Variants in NFYA observed in about 807,000 individuals in gnomAD.
NFYA encodes the protein nuclear transcription factor Y subunit alpha.
A neutral mutation model predicts 52.8 loss-of-function variants in NFYA; 28 were observed. That is an observed-to-expected ratio of 0.53 (90% confidence interval 0.39 to 0.73). The LOEUF is 0.73. Among genes scored for constraint, NFYA ranks in the 30% least tolerant of loss-of-function variants. The pLI, the probability that NFYA is intolerant of heterozygous loss-of-function variation, is 0.00. For synonymous variants in NFYA, 150 were observed against 150.7 expected (o/e 1.00, Z 0.03); for missense variants, 234 against 427.0 (o/e 0.55, Z 3.98).
Position 41,097,343 on chromosome 6 carries a change from A to C in NFYA, c.991-14A>C. 6.2e-7 allele frequency: 1 copy of C among 1,613,870 alleles called. No individual in the cohort carries two copies. Among genetic ancestry groups the C allele is most frequent in the Non-Finnish European group, 8.5e-7 (1 of 1,179,802 alleles). On this transcript the variant is annotated splice_polypyrimidine_tract_variant and intron_variant, in intron 9 of 9. Coordinates refer to ENST00000341376, the MANE Select transcript of NFYA (RefSeq NM_002505.5). ...TGCAAAGGACTTTAATCATCATGTC[A>C]TCTTTGTCTCTAGGATCCAAACCAA... is the stretch of plus-strand genomic sequence containing the variant.
intron 7 of NFYA, 87 bp downstream of exon 7, chr6:41,091,781 T>C (rs932020267): frequency 1.1e-5 from 16 of 1,471,434 alleles, no homozygotes; most frequent in Non-Finnish European, 1.5e-5. Context: ...TGTTGACCTC[T>C]TGGGATTGAG....
At position 41,097,642 on chromosome 6, in the gene NFYA, A is replaced by G. The variant is rs371950018; in HGVS notation, c.*232A>G. Reference sequence around the variant, plus strand: ...CAGGACCTATTTCAGACTGTTGATGACATTGACATTTCATGGATTCGGATG... The same window carrying G: ...CAGGACCTATTTCAGACTGTTGATGGCATTGACATTTCATGGATTCGGATG... On this transcript the variant is annotated 3_prime_UTR_variant, in exon 10 of 10. Transcript: ENST00000341376. 104 of 476,256 alleles carry G rather than the reference A, an allele frequency of 2.2e-4. 1 individual carries two copies. The South Asian group carries it at 2.6e-3, about 12-fold the overall frequency. 29.5% of individuals were successfully genotyped at this position (476,256 alleles called of 1,614,324 possible). A position where few individuals can be genotyped will look rare whatever the true frequency, so the allele number is the denominator to read the frequency against.
chr6:41,083,443 A>G (rs1422968434), intron 3 of NFYA, among the ~76,000 whole-genome samples: 1 of 152,238 alleles, frequency 6.6e-6, no homozygotes, highest in African/African-American at 2.4e-5. Flanking sequence ...TAAACAACAA[A>G]CATATCTAGA....
chr6:41,088,417 C>G (rs1372135102), intron 4 of NFYA, among the ~76,000 whole-genome samples: 1 of 120,036 alleles, frequency 8.3e-6, no homozygotes, highest in East Asian at 2.1e-4. Flanking sequence ...AGCGACACTC[C>G]GTCTCCAAAA....
At chr6:41,090,636 A>G (rs1214571571) in intron 6 of NFYA, among the ~76,000 whole-genome samples, 1 of 152,242 alleles carries the variant, frequency 6.6e-6, no homozygotes, top group African/African-American at 2.4e-5. Context: ...AGTTGGCTTT[A>G]GAGTGCTATT....
intron 9 of NFYA, among the ~76,000 whole-genome samples, chr6:41,096,643 C>G (rs1382375000): frequency 6.6e-6 from 1 of 152,226 alleles, no homozygotes; most frequent in Non-Finnish European, 1.5e-5. Context: ...TTCTCAGATC[C>G]TGCCTACCAA....
rs1183880008 is a variant in NFYA, at chr6:41,097,417, G to A, written c.*7G>A. The A allele has an allele frequency of 8.1e-6, 13 of 1,613,502 alleles. No individual in the cohort carries two copies. Among genetic ancestry groups the A allele is most frequent in the African/African-American group, 2.7e-5 (2 of 74,890 alleles). On this transcript the variant is annotated 3_prime_UTR_variant, in exon 10 of 10. Coordinates refer to ENST00000341376, the MANE Select transcript of NFYA (RefSeq NM_002505.5). ...GATCATCCGAGTGTCCTAACCCCAC[G>A]CCATGTGATGGAGCTGATCAAGGTC...
chr6:41,095,790 C>CTAGACTGTAAGTTGTA (rs1232579490), intron 9 of NFYA, among the ~76,000 whole-genome samples: 3 of 152,176 alleles, frequency 2.0e-5, no homozygotes, highest in Admixed American at 6.5e-5. Flanking sequence ...GTTTCCTTCA[C>CTAGACTGTAAGTTGTA]TAGACTGTAA....
At chr6:41,088,531 G>A (rs1764110755) in intron 4 of NFYA, among the ~76,000 whole-genome samples, 1 of 151,982 alleles carries the variant, frequency 6.6e-6, no homozygotes, top group Non-Finnish European at 1.5e-5. Context: ...TTATCAAGGT[G>A]TTGTCCTGGG....
chr6:41,073,331 C>T (rs1251836184), intron 1 of NFYA, among the ~76,000 whole-genome samples: 18 of 151,874 alleles, frequency 1.2e-4, no homozygotes, highest in Admixed American at 1.1e-3. Flanking sequence ...CACCTCGGGG[C>T]TCCGACCCTC....
chr6:41,084,555 C>T (rs1227457046), intron 4 of NFYA, among the ~76,000 whole-genome samples: 3 of 152,012 alleles, frequency 2.0e-5, no homozygotes, highest in Non-Finnish European at 4.4e-5. Context: ...AGAAAACTGA[C>T]GTATAGAAAG....
chr6:41,074,035 C>T (rs1763650748), intron 1 of NFYA, among the ~76,000 whole-genome samples: 1 of 151,960 alleles, frequency 6.6e-6, no homozygotes, highest in African/African-American at 2.4e-5. Context: ...ACTTGCTGTT[C>T]ATATTACTAA....
At chr6:41,097,256 G>A in intron 9 of NFYA, 101 bp from the exon 10 acceptor site, 1 of 1,065,756 alleles carries the variant, frequency 9.4e-7, no homozygotes, top group East Asian at 2.4e-5. Context: ...GATTTACTTG[G>A]TAAAGTTATG....
rs769586662 is a variant in NFYA at position 41,101,514 on chromosome 6, A to G, written c.*4104A>G. ...ATTTTCTATTAAGCGTTCTGTTTCA[A>G]TTATTTTATTCGTTCAGTTAATTCG... is the stretch of plus-strand genomic sequence containing the variant. On this transcript the variant is annotated 3_prime_UTR_variant, in exon 10 of 10. Transcript: ENST00000341376. Among the ~76,000 whole-genome samples the G allele has an allele frequency of 4.6e-5, 7 of 152,198 alleles. No individual in the cohort carries two copies. Among genetic ancestry groups the G allele is most frequent in the East Asian group, 3.9e-4 (2 of 5,180 alleles).
intron 6 of NFYA, among the ~76,000 whole-genome samples, 168 bp from the exon 7 acceptor site, chr6:41,091,358 TTA>T (rs1764193200): frequency 6.6e-6 from 1 of 152,182 alleles, no homozygotes; most frequent in Admixed American, 6.5e-5. Context: ...ATTACTTAGA[TTA>T]TATATAGCAC....
chr6:41,102,201 G>A lies in NFYA; in HGVS notation c.*4791G>A, dbSNP rs1172191737. 6.6e-6 allele frequency: 1 copy of A among 152,178 alleles called. No individual in the cohort carries two copies. The highest frequency in any genetic ancestry group is 1.9e-4 in the East Asian group (1 of 5,194). The allele number at this position is 152,178 out of a possible 1,614,324, so 9.4% of individuals were successfully genotyped here. On this transcript the variant is annotated 3_prime_UTR_variant, in exon 10 of 10. Transcript: ENST00000341376. ...GGGGGCCAGAAGTACTTTAAAACAG[G>A]TACCAAAGGGTCATTCCTTTAGCAT...
chr6:41,095,406 G>C (rs1411920466), intron 9 of NFYA, among the ~76,000 whole-genome samples: 1 of 152,082 alleles, frequency 6.6e-6, no homozygotes, highest in Non-Finnish European at 1.5e-5. Flanking sequence ...TGTTAGGTCT[G>C]GGTTTAATTA....
Position 41,089,609 on chromosome 6 carries a change from A to C in NFYA, c.340A>C (p.Ile114Leu). 6.2e-7 allele frequency: 1 copy of C among 1,612,612 alleles called. No homozygotes were observed. Among genetic ancestry groups the C allele is most frequent in the Non-Finnish European group, 8.5e-7 (1 of 1,179,994 alleles). Residue 114 changes from isoleucine to leucine, a missense_variant, in exon 5 of 10, where the codon ATC (isoleucine) becomes CTC (leucine). Physicochemically the swap from Ile to Leu is conservative, Grantham distance 5. Transcript: ENST00000341376. ...GTTGGTCCCACCTGGACAGATCCAG[A>C]TCCAGGGTGGACAGGCTGTGCAGGT... is the stretch of plus-strand genomic sequence containing the variant. ...IQLVPPGQIQ[I>L]QGGQAVQVQG...
Position 41,079,017 on chromosome 6 carries a change from C to T in NFYA, c.-61-12C>T. 7.3e-7 allele frequency: 1 copy of T among 1,373,656 alleles called. No individual in the cohort carries two copies. Among genetic ancestry groups the T allele is most frequent in the Non-Finnish European group, 1.0e-6 (1 of 973,496 alleles). The allele number at this position is 1,373,656 out of a possible 1,614,324, so 85.1% of individuals were successfully genotyped here. A position where few individuals can be genotyped will look rare whatever the true frequency, so the allele number is the denominator to read the frequency against. On this transcript the variant is annotated splice_polypyrimidine_tract_variant and intron_variant, in intron 1 of 9. Coordinates refer to ENST00000341376, the MANE Select transcript of NFYA (RefSeq NM_002505.5). The stretch of plus-strand genomic sequence containing the variant: ...AATCTCACTTTAGTTTCTTTCCCCA[C>T]CTTTCTAACAGGAGTGTACCTCACA...
Sources: gnomAD v4.1 joint callset for allele counts (sites outside exome capture counted in the v4.1 genomes callset) on GRCh38, gnomAD v4.1.1 for gene constraint, MANE v1.5 for transcripts, NCBI Gene and HGNC (gene_info 2026-07-23, HGNC 2026-07-21) for gene names.